Variants in HHAT observed in about 807,000 individuals in gnomAD.
HHAT encodes hedgehog acyltransferase, also known as protein-cysteine N-palmitoyltransferase HHAT.
HHAT carries 47 observed loss-of-function variants against 70.8 expected under a neutral mutation model. The ratio of observed to expected loss-of-function variants is 0.66; its 90% confidence interval spans 0.53 to 0.85. HHAT has a LOEUF of 0.85. Ranked by LOEUF, HHAT falls within the 40% of genes least tolerant of loss-of-function variation. The pLI is 0.00. For synonymous variants in HHAT, 228 were observed against 247.6 expected (o/e 0.92, Z 0.74); for missense variants, 609 against 604.8 (o/e 1.01, Z -0.07).
intron 3 of HHAT, among the ~76,000 whole-genome samples, chr1:210,368,716 C>T (rs2089260069): frequency 6.6e-6 from 1 of 152,108 alleles, no homozygotes; most frequent in Non-Finnish European, 1.5e-5. Flanking sequence ...ATACACAATA[C>T]CTGTTACTGT....
chr1:210,501,989 C>T (rs1216046027), intron 8 of HHAT, among the ~76,000 whole-genome samples: 2 of 151,232 alleles, frequency 1.3e-5, no homozygotes, highest in African/African-American at 4.9e-5. Context: ...TTAGCAACCC[C>T]TCTGCCTATA....
chr1:210,497,036 A>G (rs1284764675), intron 8 of HHAT, among the ~76,000 whole-genome samples: 1 of 152,212 alleles, frequency 6.6e-6, no homozygotes, highest in Admixed American at 6.5e-5. Context: ...TTGTGATAGC[A>G]GTTATACTTT....
intron 9 of HHAT, among the ~76,000 whole-genome samples, chr1:210,577,485 T>G (rs950328387): frequency 1.3e-5 from 2 of 152,136 alleles, no homozygotes; most frequent in Non-Finnish European, 2.9e-5. Flanking sequence ...TCATGCTAAT[T>G]GATTTGTGTA....
intron 9 of HHAT, among the ~76,000 whole-genome samples, chr1:210,553,193 A>C (rs2095542369): frequency 6.6e-6 from 1 of 152,096 alleles, no homozygotes; most frequent in South Asian, 2.1e-4. Context: ...GGAAGAGGGG[A>C]CCAAGGCTGG....
At chr1:210,374,859 TG>T (rs575474545) in intron 3 of HHAT, among the ~76,000 whole-genome samples, 62 of 151,730 alleles carry the variant, frequency 4.1e-4, no homozygotes, top group African/African-American at 1.5e-3. Flanking sequence ...ACGCTGAGGT[TG>T]AGGGTATGAA....
chr1:210,668,043 A>G lies in HHAT; in HGVS notation c.1391-6245A>G, dbSNP rs61827451. Among the ~76,000 whole-genome samples, 719 of 152,172 alleles carry G rather than the reference A, an allele frequency of 4.7e-3. 3 individuals carry two copies. The highest frequency in any genetic ancestry group is 8.1e-3 in the Non-Finnish European group (552 of 68,002). On this transcript the variant is annotated intron_variant, in intron 11 of 11. Coordinates refer to ENST00000261458, the MANE Select transcript of HHAT (RefSeq NM_018194.6). ...GTCTGTGAATTTGATTACTCTACAT[A>G]TTTCATAGAAATTGAACCATATAGT...
intron 4 of HHAT, among the ~76,000 whole-genome samples, chr1:210,391,650 T>C (rs1045943267): frequency 6.6e-6 from 1 of 152,188 alleles, no homozygotes; most frequent in Non-Finnish European, 1.5e-5. Flanking sequence ...AAATGTTAAA[T>C]TCATTAGTAA....
chr1:210,415,712 G>T (rs142861201), intron 6 of HHAT, among the ~76,000 whole-genome samples: 1 of 151,868 alleles, frequency 6.6e-6, no homozygotes, highest in Admixed American at 6.6e-5. Context: ...AGGGTGGAGC[G>T]CAGTGGTACA....
intron 11 of HHAT, among the ~76,000 whole-genome samples, chr1:210,671,883 T>G (rs1680165993): frequency 6.6e-6 from 1 of 152,096 alleles, no homozygotes; most frequent in Non-Finnish European, 1.5e-5. Flanking sequence ...TGCCCTCACC[T>G]CTCTTGCCTG....
At position 210,535,759 on chromosome 1, in the gene HHAT, A is replaced by G. The variant is rs141187648; in HGVS notation, c.1043+22571A>G. Among the ~76,000 whole-genome samples the G allele has an allele frequency of 4.5e-3, 679 of 152,262 alleles. 4 individuals carry two copies. Among genetic ancestry groups the G allele is most frequent in the African/African-American group, 0.016 (656 of 41,546 alleles). On this transcript the variant is annotated intron_variant, in intron 9 of 11. Transcript: ENST00000261458. ...GCAAAGGTTTTGATTGAAAATTTGG[A>G]GGTGGGGAAGACTCTGTGAATAGCA...
At chr1:210,339,218 AT>A (rs112975981) in intron 1 of HHAT, among the ~76,000 whole-genome samples, 1 of 152,020 alleles carries the variant, frequency 6.6e-6, no homozygotes, top group East Asian at 1.9e-4. Flanking sequence ...TTGGGAACAT[AT>A]TTTTTTTCCA....
chr1:210,524,004 C>T (rs990108766), intron 9 of HHAT, among the ~76,000 whole-genome samples: 1 of 152,006 alleles, frequency 6.6e-6, no homozygotes, highest in Non-Finnish European at 1.5e-5. Context: ...CACAGAAGAA[C>T]GAGAACTGCA....
Position 210,591,446 on chromosome 1 carries a change from T to C in HHAT, c.1245+3347T>C, listed in dbSNP as rs112485840. ...TGTACCACATTGTCTTTATTTGTCT[T>C]TTGATGGACACTCAGGTTGCTTCCA... On this transcript the variant is annotated intron_variant, in intron 10 of 11. Transcript: ENST00000261458. Among the ~76,000 whole-genome samples the C allele has an allele frequency of 5.2e-3, 797 of 152,104 alleles. 9 individuals are homozygous for C. Among genetic ancestry groups the C allele is most frequent in the African/African-American group, 0.018 (763 of 41,566 alleles).
chr1:210,486,719 C>A (rs1476127262), intron 8 of HHAT, among the ~76,000 whole-genome samples: 1 of 152,146 alleles, frequency 6.6e-6, no homozygotes, highest in Non-Finnish European at 1.5e-5. Flanking sequence ...TGTATACTTA[C>A]AAAGTCAGGG....
At chr1:210,367,258 G>T (rs2089089617) in intron 3 of HHAT, among the ~76,000 whole-genome samples, 1 of 152,198 alleles carries the variant, frequency 6.6e-6, no homozygotes, top group Non-Finnish European at 1.5e-5. Context: ...AAGCAGGGCT[G>T]GGATTTAATC....
At chr1:210,480,438 C>A (rs1299621820) in intron 8 of HHAT, among the ~76,000 whole-genome samples, 4 of 152,086 alleles carry the variant, frequency 2.6e-5, no homozygotes, top group Non-Finnish European at 5.9e-5. Flanking sequence ...GAACACTAGC[C>A]ATAAATAGTT....
intron 8 of HHAT, among the ~76,000 whole-genome samples, chr1:210,490,045 TAAA>T (rs1425822973): frequency 6.6e-6 from 1 of 151,990 alleles, no homozygotes; most frequent in African/African-American, 2.4e-5. Flanking sequence ...CCATTTGAGT[TAAA>T]AAAGAAAAAA....
intron 9 of HHAT, among the ~76,000 whole-genome samples, chr1:210,584,757 C>A (rs923497051): frequency 2.0e-5 from 3 of 152,220 alleles, no homozygotes; most frequent in African/African-American, 7.2e-5. Flanking sequence ...TTCTCCCCTG[C>A]ACTCTGGAAC....
intron 11 of HHAT, among the ~76,000 whole-genome samples, chr1:210,659,031 G>C (rs1237693063): frequency 6.6e-6 from 1 of 151,162 alleles, no homozygotes; most frequent in Non-Finnish European, 1.5e-5. Context: ...AAAAGAACTA[G>C]AGAAGCAAGA....
Sources: allele counts gnomAD v4.1 joint callset (sites outside exome capture counted in the v4.1 genomes callset), GRCh38; gene constraint gnomAD v4.1.1; transcripts MANE v1.5; gene names NCBI Gene and HGNC (gene_info 2026-07-23, HGNC 2026-07-21).